Variants in GREB1 observed in about 807,000 individuals in gnomAD.
The protein encoded by GREB1 is protein GREB1.
In GREB1, 106 loss-of-function variants were observed where a neutral mutation model predicts 200.7. The observed-to-expected ratio is 0.53, with a 90% CI of 0.45 to 0.62. GREB1 has a LOEUF of 0.62. Ranked by LOEUF, GREB1 falls within the 20% of genes least tolerant of loss-of-function variation. The pLI, the probability that GREB1 is intolerant of heterozygous loss-of-function variation, is 0.00. For synonymous variants in GREB1, 1,132 were observed against 1,092.4 expected (o/e 1.04, Z -0.72); for missense variants, 2,243 against 2,556.8 (o/e 0.88, Z 2.65).
rs115387614 is a variant in GREB1 at position 11,616,987 on chromosome 2, G to T, written c.3412+267G>T. Among the ~76,000 whole-genome samples the T allele has an allele frequency of 9.0e-3, 1,369 of 152,310 alleles. 14 individuals carry two copies. The highest frequency in any genetic ancestry group is 0.031 in the African/African-American group (1,284 of 41,566). On this transcript the variant is annotated intron_variant, in intron 21 of 32. Transcript: ENST00000381486. ...ACCGTGGACCCTGCCCCTCACTGTG[G>T]CTGGGGCCTCAGGCTGAGTCCTGGC... is the stretch of plus-strand genomic sequence containing the variant.
intron 15 of GREB1, among the ~76,000 whole-genome samples, chr2:11,600,075 G>T (rs1681646152): frequency 6.6e-6 from 1 of 152,198 alleles, no homozygotes; most frequent in Admixed American, 6.5e-5. Context: ...AGCTAGTTAG[G>T]CTGGTCAGGA....
At chr2:11,617,460 A>G (rs1439511777) in intron 21 of GREB1, among the ~76,000 whole-genome samples, 1 of 152,254 alleles carries the variant, frequency 6.6e-6, no homozygotes, top group Admixed American at 6.5e-5. Context: ...CATTGTTCTC[A>G]TAAAAGACGT....
intron 13 of GREB1, among the ~76,000 whole-genome samples, chr2:11,596,854 T>TAGATC (rs1265108256): frequency 1.0e-5 from 1 of 96,826 alleles, no homozygotes; most frequent in African/African-American, 4.1e-5. Flanking sequence ...GGGTCACTGG[T>TAGATC]GTGTACAGTG....
intron 1 of GREB1, among the ~76,000 whole-genome samples, chr2:11,527,564 G>T (rs1291678878): frequency 6.6e-6 from 1 of 152,190 alleles, no homozygotes; most frequent in African/African-American, 2.4e-5. Context: ...CTGGGCATCT[G>T]GTGGATTGGC....
At chr2:11,563,963 G>A (rs1281537013) in intron 3 of GREB1, among the ~76,000 whole-genome samples, 2 of 152,194 alleles carry the variant, frequency 1.3e-5, no homozygotes, top group African/African-American at 2.4e-5. Flanking sequence ...CGCAGGTAGA[G>A]AGTTTTGGGA....
At chr2:11,539,043 CTT>C (rs1674532249) in intron 1 of GREB1, among the ~76,000 whole-genome samples, 44 of 135,498 alleles carry the variant, frequency 3.2e-4, no homozygotes, top group African/African-American at 1.2e-3. Context: ...CTTCTCTTCT[CTT>C]CTCTTCTCTT....
rs1253253002 is a variant in GREB1 at position 11,578,378 on chromosome 2, G to A, written c.719G>A (p.Ser240Asn). ...PALESTAAFP[S>N]EPVPGTNPSI... ...CTGGAGAGCACGGCTGCCTTCCCCA[G>A]CGAGCCCGTTCCTGGGACGAACCCC... The change falls in exon 6 of 33, where the codon AGC becomes AAC. Residue 240 changes from serine to asparagine, a missense_variant. Ser to Asn is a conservative substitution (Grantham distance 46). Around this residue, in one of 3 missense-constraint regions of GREB1, gnomAD observed 1,178 missense variants for 1,387.4 expected, o/e 0.85. Coordinates refer to ENST00000381486, the MANE Select transcript of GREB1 (RefSeq NM_014668.4). 6.2e-7 allele frequency: 1 copy of A among 1,613,938 alleles called. No individual in the cohort carries two copies. Among genetic ancestry groups the A allele is most frequent in the Non-Finnish European group, 8.5e-7 (1 of 1,180,028 alleles).
At chr2:11,556,907 C>A in intron 2 of GREB1, 136 bp downstream of exon 2, 1 of 679,426 alleles carries the variant, frequency 1.5e-6, no homozygotes, top group Non-Finnish European at 2.3e-6. Context: ...AAAAAGAAAA[C>A]TGGGTACAAG....
chr2:11,618,627 A>G lies in GREB1; in HGVS notation c.3752A>G (p.Lys1251Arg). The change falls in exon 22 of 33, where the codon AAG (lysine) becomes AGG (arginine). Residue 1251 changes from lysine to arginine, a missense_variant. Around this residue, in one of 3 missense-constraint regions of GREB1, gnomAD observed 587 missense variants for 553.1 expected, o/e 1.06. Coordinates refer to ENST00000381486, the MANE Select transcript of GREB1 (RefSeq NM_014668.4). Reference protein sequence around the residue: ...VLQASQCSLTKACRQPPIVFL... With the variant: ...VLQASQCSLTRACRQPPIVFL... ...CAGGCCTCCCAGTGCTCCTTGACCA[A>G]GGCCTGCCGCCAGCCACCCATTGTC... is the stretch of plus-strand genomic sequence containing the variant. 6.2e-7 allele frequency: 1 copy of G among 1,613,312 alleles called. No homozygotes were observed. The highest frequency in any genetic ancestry group is 8.5e-7 in the Non-Finnish European group (1 of 1,179,926).
chr2:11,614,839 C>G (rs529601627), intron 19 of GREB1, among the ~76,000 whole-genome samples: 5 of 152,016 alleles, frequency 3.3e-5, no homozygotes, highest in African/African-American at 1.2e-4. Context: ...CTGCAAGCCC[C>G]TTTTTTATCT....
Position 11,588,817 on chromosome 2 carries a change from T to A in GREB1, c.1231T>A (p.Tyr411Asn). 1 of 1,614,120 alleles carries A rather than the reference T, an allele frequency of 6.2e-7. No individual in the cohort carries two copies. Among genetic ancestry groups the A allele is most frequent in the Non-Finnish European group, 8.5e-7 (1 of 1,179,948 alleles). The part of the protein sequence containing the change: ...VVVSPLLYTC[Y>N]QNSQSVSRAY... ...GGTCAGCCCCCTCTTGTACACGTGC[T>A]ACCAGAATTCCCAGTCTGTCTCACG... Residue 411 changes from tyrosine (Y) to asparagine (N), a missense_variant, in exon 10 of 33, where the codon TAC becomes AAC. Tyr to Asn is a moderately radical substitution (Grantham distance 143). Around this residue, in one of 3 missense-constraint regions of GREB1, gnomAD observed 1,178 missense variants for 1,387.4 expected, o/e 0.85. Coordinates refer to ENST00000381486, the MANE Select transcript of GREB1 (RefSeq NM_014668.4).
In GREB1 at chr2:11,615,186, G is replaced by T; in HGVS notation, c.3218G>T (p.Ser1073Ile). Reference sequence around the variant, plus strand: ...CTGGGCCTGGCTGCCTACTTTGTGAGCAACGAGGTTCCCTTGGAGAAGGGG... The same window carrying T: ...CTGGGCCTGGCTGCCTACTTTGTGATCAACGAGGTTCCCTTGGAGAAGGGG... ...QELGLAAYFV[S>I]NEVPLEKGAR... The change falls in exon 20 of 33, where the codon AGC becomes ATC. Residue 1073 changes from serine (S) to isoleucine (I), a missense_variant. Around this residue, in one of 3 missense-constraint regions of GREB1, gnomAD observed 1,178 missense variants for 1,387.4 expected, o/e 0.85. Transcript: ENST00000381486. The T allele has an allele frequency of 3.1e-6, 5 of 1,614,154 alleles. No individual in the cohort carries two copies. The highest frequency in any genetic ancestry group is 4.2e-6 in the Non-Finnish European group (5 of 1,180,014).
chr2:11,541,431 T>G (rs1674733373), intron 1 of GREB1, among the ~76,000 whole-genome samples: 1 of 146,874 alleles, frequency 6.8e-6, no homozygotes. Flanking sequence ...CGCGAGTGAG[T>G]GGATGGCAAG....
intron 20 of GREB1, 132 bp downstream of exon 20, chr2:11,615,422 A>G (rs904242241): frequency 1.4e-6 from 1 of 708,404 alleles, no homozygotes; most frequent in Non-Finnish European, 2.3e-6. Flanking sequence ...TGTCTGCTGG[A>G]CAGCGGCTCT....
intron 21 of GREB1, among the ~76,000 whole-genome samples, chr2:11,617,815 C>T (rs942174308): frequency 4.1e-4 from 63 of 152,258 alleles, no homozygotes; most frequent in African/African-American, 1.5e-3. Flanking sequence ...GAGGTCAGGG[C>T]CCACCAGGAG....
rs1333953701 is a variant in GREB1 at position 11,636,969 on chromosome 2, C to G, written c.5347-747C>G. Among the ~76,000 whole-genome samples, 111 of 91,458 alleles carry G rather than the reference C, an allele frequency of 1.2e-3. 1 individual carries two copies. Among genetic ancestry groups the G allele is most frequent in the African/African-American group, 3.6e-3 (106 of 29,236 alleles). The allele number at this position is 91,458 out of a possible 152,430, so 60.0% of individuals were successfully genotyped here. On this transcript the variant is annotated intron_variant, in intron 30 of 32. Transcript: ENST00000381486. ...GCAGGGACAGAGGCAGGGGCAGGGA[C>G]AGAGGCAGGGGCATGGGCAGAGGTA...
At chr2:11,559,669 G>C (rs971320592) in intron 2 of GREB1, among the ~76,000 whole-genome samples, 1 of 152,184 alleles carries the variant, frequency 6.6e-6, no homozygotes, top group African/African-American at 2.4e-5. Context: ...GACCAGAGTC[G>C]ATTTTGCAGA....
chr2:11,573,334 T>C (rs1572758731), intron 4 of GREB1, among the ~76,000 whole-genome samples: 1 of 152,200 alleles, frequency 6.6e-6, no homozygotes, highest in East Asian at 1.9e-4. Flanking sequence ...GTGTTTAAGA[T>C]GGACTGTTTT....
rs1681689989 is a variant in GREB1, at chr2:11,600,531, TAGA to T, written c.2334-266_2334-264del. Among the ~76,000 whole-genome samples the T allele has an allele frequency of 9.2e-5, 14 of 152,304 alleles. No homozygotes were observed. The South Asian group carries it at 2.9e-3, about 32-fold the overall frequency. ...GGGTCATATCACTGTCCGATTGGGA[TAGA>T]AGGAGTGTGTGTCTTGTAAGAAATC... On this transcript the variant is annotated intron_variant, in intron 15 of 32. Coordinates refer to ENST00000381486, the MANE Select transcript of GREB1 (RefSeq NM_014668.4).
Sources: gnomAD v4.1 joint callset for allele counts (sites outside exome capture counted in the v4.1 genomes callset) on GRCh38, gnomAD v4.1.1 for gene constraint, gnomAD v4.1.1 regional missense constraint, MANE v1.5 for transcripts, NCBI Gene and HGNC (gene_info 2026-07-23, HGNC 2026-07-21) for gene names.